The following ZNF318 variants were observed in gnomAD, a reference collection of about 807,000 sequenced individuals.
ZNF318 encodes the protein endocrine regulator.
In ZNF318, 51 loss-of-function variants were observed where a neutral mutation model predicts 124.2. The observed-to-expected ratio is 0.41, with a 90% CI of 0.33 to 0.52. The LOEUF is 0.52. ZNF318 is among the 20% of genes least tolerant of loss of function. The pLI is 0.23. For missense variants in ZNF318, 2,815 were observed against 2,811.2 expected, an observed-to-expected ratio of 1.00 and a Z score of -0.03; for synonymous variants, 1,090 against 1,040.7, an observed-to-expected ratio of 1.05 and a Z score of -0.91.
chr6:43,356,691 G>A (rs1235909974), intron 3 of ZNF318, among the ~76,000 whole-genome samples: 1 of 152,098 alleles, frequency 6.6e-6, no homozygotes, highest in Non-Finnish European at 1.5e-5. Flanking sequence ...ACAGTAAGTT[G>A]GTGGCAGAAG....
At chr6:43,356,305 A>C (rs1779608245) in intron 3 of ZNF318, among the ~76,000 whole-genome samples, 160 bp from the exon 4 acceptor site, 1 of 152,234 alleles carries the variant, frequency 6.6e-6, no homozygotes. Context: ...CAAAATGTGA[A>C]TCCCCTTATC....
At chr6:43,346,654 C>G (rs1466639648) in intron 6 of ZNF318, among the ~76,000 whole-genome samples, 3 of 151,758 alleles carry the variant, frequency 2.0e-5, no homozygotes, top group Non-Finnish European at 4.4e-5. Context: ...CTGACTAGAT[C>G]TGGGTGGAAT....
Position 43,348,349 on chromosome 6 carries a change from G to A in ZNF318, c.3047C>T (p.Ser1016Leu), listed in dbSNP as rs760566604. The A allele has an allele frequency of 5.6e-6, 9 of 1,610,292 alleles. No individual in the cohort carries two copies. Among genetic ancestry groups the A allele is most frequent in the Admixed American group, 3.4e-5 (2 of 59,280 alleles). ...CTTGTTGGAGGAGGAGTTTGAGAACGATGACACTTTTTCTGGGCTCTTAGA... is the reference window on the plus strand; with the variant it reads ...CTTGTTGGAGGAGGAGTTTGAGAACAATGACACTTTTTCTGGGCTCTTAGA... ...EKSKSPEKVS[S>L]FSNSSSNKES... is the part of the protein sequence containing the mutation. Residue 1016 changes from serine to leucine, a missense_variant, in exon 6 of 10, where the codon TCG becomes TTG. Transcript: ENST00000361428.
rs115671237 is a variant in ZNF318 at position 43,342,403 on chromosome 6, A to G, written c.3277-192T>C. ...AACACATGTTAGAGCAAGTACCAGAAAAAGGTAAAATGAAACAAAAAAATC... is the reference window on the plus strand; with the variant it reads ...AACACATGTTAGAGCAAGTACCAGAGAAAGGTAAAATGAAACAAAAAAATC... On this transcript the variant is annotated intron_variant, in intron 7 of 9. Coordinates refer to ENST00000361428, the MANE Select transcript of ZNF318 (RefSeq NM_014345.3). Among the ~76,000 whole-genome samples, 350 of 152,024 alleles carry G rather than the reference A, an allele frequency of 2.3e-3. 2 individuals carry two copies. Among genetic ancestry groups the G allele is most frequent in the African/African-American group, 7.8e-3 (324 of 41,444 alleles).
rs1779351683 is a variant in ZNF318, at chr6:43,340,121, G to T, written c.3877C>A (p.Pro1293Thr). 1.2e-6 allele frequency: 2 copies of T among 1,614,030 alleles called. No individual in the cohort carries two copies. The highest frequency in any genetic ancestry group is 8.5e-7 in the Non-Finnish European group (1 of 1,179,992). The change falls in exon 10 of 10, where the codon CCA becomes ACA. Residue 1293 changes from proline (P) to threonine (T), a missense_variant. By Grantham distance (38) the Pro-to-Thr change is conservative. Around this residue, in one of 4 missense-constraint regions of ZNF318, gnomAD observed 500 missense variants for 605.2 expected, o/e 0.83. Transcript: ENST00000361428. ...KEEEKSSLVTPSISKEEILES... is the reference protein window; with the variant it reads ...KEEEKSSLVTTSISKEEILES... ...AGAATCTCTTCTTTAGAGATACTTG[G>T]GGTCACCAATGAACTTTTCTCCTCT...
intron 4 of ZNF318, among the ~76,000 whole-genome samples, chr6:43,353,662 C>A (rs566001356): frequency 2.6e-5 from 4 of 152,296 alleles, no homozygotes; most frequent in Admixed American, 2.0e-4. Flanking sequence ...GCATGAGCCA[C>A]CACGCCCAGC....
chr6:43,350,463 G>A (rs924256810), intron 5 of ZNF318, among the ~76,000 whole-genome samples: 3 of 152,090 alleles, frequency 2.0e-5, no homozygotes, highest in Non-Finnish European at 4.4e-5. Flanking sequence ...ATGGGAGTGA[G>A]GGTTAGGAAG....
At position 43,354,796 on chromosome 6, in the gene ZNF318, A is replaced by G. The variant is rs1562133356; in HGVS notation, c.2538T>C (p.Pro846=). The G allele has an allele frequency of 3.7e-6, 6 of 1,614,070 alleles. No individual in the cohort carries two copies. The highest frequency in any genetic ancestry group is 5.1e-6 in the Non-Finnish European group (6 of 1,180,040). Residue 846 remains proline, a synonymous_variant, in exon 4 of 10, where the codon CCT becomes CCC. Coordinates refer to ENST00000361428, the MANE Select transcript of ZNF318 (RefSeq NM_014345.3). ...RVIPTVTPDK[P]KQKESLRGSI... ...AGCCTCGCAGAGACTCTTTCTGCTT[A>G]GGCTTATCAGGAGTCACAGTGGGGA...
rs1156682271 is a variant in ZNF318 at position 43,340,006 on chromosome 6, GCAA to G, written c.3989_3991del (p.Val1330del). 1 of 1,614,092 alleles carries G rather than the reference GCAA, an allele frequency of 6.2e-7. No individual in the cohort carries two copies. On this transcript the variant is annotated inframe_deletion, in exon 10 of 10. Transcript: ENST00000361428. ...AACAGGCATCCAAGGGCTGGTATGT[GCAA>G]CAACAGTTTTCCCAGAGAGCTTGAT...
chr6:43,361,167 A>C (rs1033535631), intron 2 of ZNF318, among the ~76,000 whole-genome samples: 3 of 152,196 alleles, frequency 2.0e-5, no homozygotes, highest in African/African-American at 7.2e-5. Context: ...TTTTCTGTTG[A>C]TGAGTCCCAA....
At chr6:43,360,466 G>GTT (rs1779665607) in intron 2 of ZNF318, among the ~76,000 whole-genome samples, 1 of 152,130 alleles carries the variant, frequency 6.6e-6, no homozygotes, top group African/African-American at 2.4e-5. Context: ...CCTTGGTTAA[G>GTT]TTCAACTGTT....
In ZNF318 at chr6:43,339,787, T is replaced by A; in HGVS notation, c.4211A>T (p.Asp1404Val). The change falls in exon 10 of 10, where the codon GAC becomes GTC. Residue 1404 changes from aspartate (D) to valine (V), a missense_variant. This residue lies in a region of ZNF318 where 500 missense variants were observed against 605.2 expected (regional missense o/e 0.83). Transcript: ENST00000361428. The surrounding 1 kb of genome is among the most constrained non-coding windows in gnomAD (Gnocchi z 4.2). The stretch of plus-strand genomic sequence containing the variant: ...CCCTCCAAATGCTTTGGAGATGATG[T>A]CTGGAGGTAAGAGGAGATCAGCTGA... ...ESSADLLLPP[D>V]IISKAFGGEE... 1 of 1,614,144 alleles carries A rather than the reference T, an allele frequency of 6.2e-7. No homozygotes were observed. The highest frequency in any genetic ancestry group is 8.5e-7 in the Non-Finnish European group (1 of 1,180,026).
chr6:43,344,039 G>A (rs1408940381), intron 6 of ZNF318, among the ~76,000 whole-genome samples: 2 of 152,122 alleles, frequency 1.3e-5, no homozygotes, highest in African/African-American at 2.4e-5. Flanking sequence ...TTGCAACTCA[G>A]AGGCTCACTA....
Position 43,339,545 on chromosome 6 carries a change from T to A in ZNF318, c.4453A>T (p.Thr1485Ser), listed in dbSNP as rs1218284675. Residue 1485 changes from threonine (T) to serine (S), a missense_variant, in exon 10 of 10, where the codon ACT becomes TCT. Transcript: ENST00000361428. This position sits in a 1 kb window ranked among gnomAD's most constrained non-coding sequence, Gnocchi z 4.2. ...PVKSNPVVSQ[T>S]LSPGFVGPNI... ...GGACCCACGAAGCCAGGGCTGAGAG[T>A]CTGAGATACAACTGGGTTTGATTTT... The A allele has an allele frequency of 1.9e-6, 3 of 1,613,030 alleles. No homozygotes were observed. In the African/African-American group the frequency reaches 4.0e-5, roughly 22 times the overall value.
intron 1 of ZNF318, among the ~76,000 whole-genome samples, chr6:43,367,800 A>G (rs1454210853): frequency 6.6e-6 from 1 of 152,228 alleles, no homozygotes; most frequent in Non-Finnish European, 1.5e-5. Context: ...AACCATGACC[A>G]AAGTACTCAC....
chr6:43,344,095 A>G (rs772436534), intron 6 of ZNF318, among the ~76,000 whole-genome samples: 4 of 152,120 alleles, frequency 2.6e-5, no homozygotes, highest in African/African-American at 4.8e-5. Context: ...GGGTACCTGG[A>G]ATATTGGCTC....
At chr6:43,352,982 T>G (rs1779553139) in intron 4 of ZNF318, among the ~76,000 whole-genome samples, 1 of 152,210 alleles carries the variant, frequency 6.6e-6, no homozygotes. Context: ...AGATTTACAA[T>G]CCAGGTATAT....
At chr6:43,360,021 T>C (rs1159018608) in intron 2 of ZNF318, among the ~76,000 whole-genome samples, 1 of 152,136 alleles carries the variant, frequency 6.6e-6, no homozygotes, top group African/African-American at 2.4e-5. Context: ...CAAAACACCA[T>C]CTACCATACA....
chr6:43,343,758 G>A (rs1310241047), intron 6 of ZNF318, among the ~76,000 whole-genome samples: 1 of 148,758 alleles, frequency 6.7e-6, no homozygotes, highest in Non-Finnish European at 1.5e-5. Context: ...GAACCCAGGA[G>A]GCGGAGGTTG....
Sources: gnomAD v4.1 joint callset for allele counts (sites outside exome capture counted in the v4.1 genomes callset) on GRCh38, gnomAD v4.1.1 for gene constraint, gnomAD v4.1.1 regional missense constraint, Gnocchi (gnomAD v3.1) non-coding constraint, MANE v1.5 for transcripts, NCBI Gene and HGNC (gene_info 2026-07-23, HGNC 2026-07-21) for gene names.